CTNNA3: variants seen among roughly 807,000 people sequenced by gnomAD.
CTNNA3 encodes catenin alpha 3, also known as catenin alpha-3.
A neutral mutation model predicts 95.7 loss-of-function variants in CTNNA3; 76 were observed. The ratio of observed to expected loss-of-function variants is 0.79; its 90% CI spans 0.66 to 0.96. The LOEUF (loss-of-function observed/expected upper bound fraction) is 0.96, where lower values mean the gene tolerates loss of function less well. Ranked by LOEUF, CTNNA3 falls within the 40% of genes least tolerant of loss-of-function variation. CTNNA3 has a pLI of 0.00. For synonymous variants in CTNNA3, 431 were observed against 374.4 expected (o/e 1.15, Z -1.74); for missense variants, 1,191 against 1,089.8 (o/e 1.09, Z -1.31).
At chr10:67,708,040 G>A (rs984852558) in intron 1 of CTNNA3, among the ~76,000 whole-genome samples, 3 of 152,082 alleles carry the variant, frequency 2.0e-5, no homozygotes, top group Admixed American at 2.0e-4. Flanking sequence ...GGTGAATTTA[G>A]TGCTAATGTT....
chr10:66,703,408 T>G (rs1294837795), intron 9 of CTNNA3, among the ~76,000 whole-genome samples: 1 of 152,154 alleles, frequency 6.6e-6, no homozygotes, highest in Non-Finnish European at 1.5e-5. Flanking sequence ...ATTAATGAAG[T>G]CACATTTGGG....
intron 7 of CTNNA3, among the ~76,000 whole-genome samples, chr10:66,943,415 C>T (rs1427788572): frequency 2.0e-5 from 3 of 151,838 alleles, no homozygotes; most frequent in Non-Finnish European, 4.4e-5. Context: ...AAAAGACCAT[C>T]TTTTTATGGT....
chr10:66,124,613 T>C (rs2082729808), intron 13 of CTNNA3, among the ~76,000 whole-genome samples: 1 of 152,150 alleles, frequency 6.6e-6, no homozygotes, highest in Non-Finnish European at 1.5e-5. Context: ...ATACTTGAGA[T>C]GGGGCAATTT....
In CTNNA3 at chr10:66,702,643, T is replaced by C. The variant is rs527292322; in HGVS notation, c.1281+63621A>G. Among the ~76,000 whole-genome samples, 13 of 148,782 alleles carry C rather than the reference T, an allele frequency of 8.7e-5. No individual in the cohort carries two copies. In the East Asian group the frequency reaches 2.6e-3, roughly 30 times the overall value. On this transcript the variant is annotated intron_variant, in intron 9 of 17. Transcript: ENST00000433211. ...ATCACTTGAACTTGGAAGGTGGTGGTTGCAGTGAGCCGAGATCATGCCACC... is the reference window on the plus strand; with the variant it reads ...ATCACTTGAACTTGGAAGGTGGTGGCTGCAGTGAGCCGAGATCATGCCACC...
intron 7 of CTNNA3, among the ~76,000 whole-genome samples, chr10:66,828,727 T>G (rs568030273): frequency 1.0e-3 from 156 of 152,350 alleles, no homozygotes; most frequent in Admixed American, 2.2e-3. Context: ...CCCAACTATT[T>G]TTTACTGCAC....
At chr10:67,411,256 T>C (rs895044313) in intron 5 of CTNNA3, among the ~76,000 whole-genome samples, 1 of 152,198 alleles carries the variant, frequency 6.6e-6, no homozygotes. Context: ...GCTAATTAGC[T>C]TGATATAATC....
chr10:67,420,714 ATTG>A (rs1564637989), intron 5 of CTNNA3, among the ~76,000 whole-genome samples: 1 of 151,826 alleles, frequency 6.6e-6, no homozygotes, highest in East Asian at 1.9e-4. Context: ...TTCTTATTTT[ATTG>A]TTATTATCTT....
chr10:66,355,746 T>TA (rs2092603852), intron 12 of CTNNA3, among the ~76,000 whole-genome samples: 1 of 150,942 alleles, frequency 6.6e-6, no homozygotes, highest in South Asian at 2.1e-4. Flanking sequence ...ATAATTTTTT[T>TA]ATGTCATTAC....
At chr10:67,406,332 G>A (rs1486582787) in intron 5 of CTNNA3, among the ~76,000 whole-genome samples, 1 of 152,078 alleles carries the variant, frequency 6.6e-6, no homozygotes, top group African/African-American at 2.4e-5. Context: ...CTGAACAACT[G>A]TTGGATAAAT....
intron 11 of CTNNA3, among the ~76,000 whole-genome samples, chr10:66,482,433 A>G (rs1364196018): frequency 1.3e-5 from 2 of 152,120 alleles, no homozygotes; most frequent in Admixed American, 6.6e-5. Flanking sequence ...ATCCCTCCAC[A>G]GTTTTTACAG....
At chr10:66,562,983 A>C (rs1377323985) in intron 10 of CTNNA3, among the ~76,000 whole-genome samples, 1 of 152,052 alleles carries the variant, frequency 6.6e-6, no homozygotes. Context: ...CCTGACCCAC[A>C]CATTTTAAGG....
At chr10:65,928,538 T>A (rs1464302191) in intron 17 of CTNNA3, among the ~76,000 whole-genome samples, 1 of 152,146 alleles carries the variant, frequency 6.6e-6, no homozygotes, top group Non-Finnish European at 1.5e-5. Context: ...CTTGACACAG[T>A]CTACAGGAGA....
At chr10:66,714,176 A>C (rs1021519794) in intron 9 of CTNNA3, among the ~76,000 whole-genome samples, 3 of 152,142 alleles carry the variant, frequency 2.0e-5, no homozygotes, top group Admixed American at 6.6e-5. Context: ...TTTACCTCAA[A>C]CTTTTCCTAA....
intron 9 of CTNNA3, among the ~76,000 whole-genome samples, chr10:66,710,317 T>G (rs1206795633): frequency 6.6e-6 from 1 of 152,130 alleles, no homozygotes; most frequent in South Asian, 2.1e-4. Context: ...TTTAAAATAT[T>G]TAAAACTATT....
chr10:66,637,477 C>T (rs1208177343), intron 9 of CTNNA3, among the ~76,000 whole-genome samples: 1 of 152,248 alleles, frequency 6.6e-6, no homozygotes. Flanking sequence ...CATTTGCCAT[C>T]AACTAGTCCA....
At chr10:67,255,964 A>G (rs959053006) in intron 5 of CTNNA3, among the ~76,000 whole-genome samples, 23 of 152,218 alleles carry the variant, frequency 1.5e-4, no homozygotes, top group Non-Finnish European at 3.2e-4. Context: ...AACCAGCACC[A>G]CCAGAGAAAT....
At chr10:67,205,280 G>A (rs1488423332) in intron 6 of CTNNA3, among the ~76,000 whole-genome samples, 3 of 152,110 alleles carry the variant, frequency 2.0e-5, no homozygotes, top group Middle Eastern at 6.8e-3. Context: ...TTTATTTTTT[G>A]CAAAGTCGGT....
intron 11 of CTNNA3, among the ~76,000 whole-genome samples, chr10:66,385,408 G>T (rs1419501590): frequency 6.6e-6 from 1 of 152,074 alleles, no homozygotes; most frequent in Non-Finnish European, 1.5e-5. Context: ...TTGAATCTCT[G>T]AATAGATCAA....
At chr10:66,360,762 TCC>T (rs762380988) in intron 12 of CTNNA3, among the ~76,000 whole-genome samples, 4,709 of 131,560 alleles carry the variant, frequency 0.036, 782 homozygotes, top group East Asian at 0.32. Context: ...CTTCCTTCCT[TCC>T]TTCCTTTTCT....
Sources: gnomAD v4.1 joint callset for allele counts (sites outside exome capture counted in the v4.1 genomes callset) on GRCh38, gnomAD v4.1.1 for gene constraint, MANE v1.5 for transcripts, NCBI Gene and HGNC (gene_info 2026-07-23, HGNC 2026-07-21) for gene names.